The following PRDM14 variants were observed in gnomAD, a reference collection of about 807,000 sequenced individuals.
PRDM14 encodes the protein PR domain zinc finger protein 14.
A neutral mutation model predicts 48.0 loss-of-function variants in PRDM14; 16 were observed. The ratio of observed to expected loss-of-function variants is 0.33; its 90% CI spans 0.23 to 0.51. PRDM14 has a LOEUF of 0.51. PRDM14 is among the 20% of genes least tolerant of loss of function. PRDM14 has a pLI of 0.97. For missense variants in PRDM14, 566 were observed against 719.6 expected (o/e 0.79, Z 2.44); for synonymous variants, 264 against 276.6 (o/e 0.95, Z 0.45).
At chr8:70,057,331 T>G (rs1805492672) in intron 6 of PRDM14, among the ~76,000 whole-genome samples, 1 of 134,112 alleles carries the variant, frequency 7.5e-6, no homozygotes, top group African/African-American at 3.0e-5. Context: ...TAAGACAATA[T>G]TTTTTTTTTT....
At chr8:70,054,517 T>C (rs1805439914) in intron 7 of PRDM14, among the ~76,000 whole-genome samples, 1 of 17,490 alleles carries the variant, frequency 5.7e-5, no homozygotes, top group Non-Finnish European at 1.1e-4. Context: ...AAATAGTGAT[T>C]TTTTTTTTTT....
chr8:70,070,303 C>T (rs1805744877), intron 1 of PRDM14, among the ~76,000 whole-genome samples: 1 of 152,180 alleles, frequency 6.6e-6, no homozygotes, highest in African/African-American at 2.4e-5. Flanking sequence ...CTGTGGGAGC[C>T]GCGGGGCCCT....
At chr8:70,070,617 G>C (rs1197108334) in intron 1 of PRDM14, among the ~76,000 whole-genome samples, 1 of 152,282 alleles carries the variant, frequency 6.6e-6, no homozygotes, top group East Asian at 1.9e-4. Context: ...CGCGGGCAGC[G>C]TCCGCCACAT....
intron 6 of PRDM14, 130 bp downstream of exon 6, chr8:70,058,510 T>G: frequency 1.4e-6 from 1 of 734,944 alleles, no homozygotes; most frequent in Non-Finnish European, 2.3e-6. Flanking sequence ...TATCCTCTCC[T>G]CCTTCAGAGA....
At chr8:70,054,739 G>A (rs922968410) in intron 7 of PRDM14, among the ~76,000 whole-genome samples, 5 of 151,486 alleles carry the variant, frequency 3.3e-5, no homozygotes, top group Non-Finnish European at 5.9e-5. Flanking sequence ...GGATGGTCTC[G>A]AACTCCCTAT....
Position 70,051,879 on chromosome 8 carries a change from C to T in PRDM14, c.*198G>A. On this transcript the variant is annotated 3_prime_UTR_variant, in exon 8 of 8. Coordinates refer to ENST00000276594, the MANE Select transcript of PRDM14 (RefSeq NM_024504.4). The stretch of plus-strand genomic sequence containing the variant: ...CTCCGTCTCCTGTGCTCAAACCATC[C>T]TGCCACCTCGACCTCCTGAGTGGCT... The T allele has an allele frequency of 1.9e-6, 1 of 519,758 alleles. No individual in the cohort carries two copies. Among genetic ancestry groups the T allele is most frequent in the South Asian group, 2.8e-5 (1 of 36,112 alleles). 32.2% of individuals were successfully genotyped at this position (519,758 alleles called of 1,614,324 possible).
At chr8:70,069,967 C>A (rs1439349173) in intron 1 of PRDM14, 83 bp from the exon 2 acceptor site, 2 of 717,244 alleles carry the variant, frequency 2.8e-6, no homozygotes, top group East Asian at 2.7e-5. Context: ...GCCTCCTCCA[C>A]CCCAGCCAGC....
At chr8:70,063,647 T>C (rs569513933) in intron 5 of PRDM14, among the ~76,000 whole-genome samples, 4 of 151,754 alleles carry the variant, frequency 2.6e-5, no homozygotes, top group Admixed American at 2.6e-4. Context: ...CTCAGCCTCC[T>C]GAGTAGCTGG....
chr8:70,058,877 T>C (rs766270981), intron 5 of PRDM14, 35 bp from the exon 6 acceptor site: 1 of 1,511,724 alleles, frequency 6.6e-7, no homozygotes, highest in Non-Finnish European at 9.2e-7. Context: ...TCTCTTCAGT[T>C]ACTTCCCTCC....
chr8:70,066,829 G>A (rs1370029110), intron 4 of PRDM14, among the ~76,000 whole-genome samples: 1 of 151,982 alleles, frequency 6.6e-6, no homozygotes, highest in African/African-American at 2.4e-5. Flanking sequence ...GGGCTCAAAT[G>A]ATCCTCCCAC....
intron 1 of PRDM14, 31 bp from the exon 2 acceptor site, chr8:70,069,915 C>A: frequency 2.2e-6 from 3 of 1,374,704 alleles, no homozygotes; most frequent in South Asian, 2.9e-5. Context: ...CTGAGGACAC[C>A]GCGCGGGAGC....
chr8:70,064,798 A>G (rs1017418557), intron 5 of PRDM14, among the ~76,000 whole-genome samples: 10 of 151,182 alleles, frequency 6.6e-5, no homozygotes, highest in African/African-American at 2.4e-4. Flanking sequence ...TGCTGGGATT[A>G]CAGGCGTGGG....
chr8:70,052,598 T>A (rs893921001), intron 7 of PRDM14, among the ~76,000 whole-genome samples: 2 of 151,808 alleles, frequency 1.3e-5, no homozygotes, highest in African/African-American at 4.8e-5. Context: ...GGCGCAGTGG[T>A]TCACACCTGT....
intron 2 of PRDM14, 126 bp downstream of exon 2, chr8:70,069,035 G>T: frequency 1.4e-6 from 1 of 720,180 alleles, no homozygotes; most frequent in Non-Finnish European, 2.2e-6. Flanking sequence ...GGCTCTCATG[G>T]AGGTACTTCC....
At chr8:70,070,365 G>A in intron 1 of PRDM14, among the ~76,000 whole-genome samples, 1 of 152,156 alleles carries the variant, frequency 6.6e-6, no homozygotes, top group East Asian at 1.9e-4. Flanking sequence ...GGAGGGCAAT[G>A]GAGCAAGCGA....
intron 5 of PRDM14, among the ~76,000 whole-genome samples, chr8:70,062,159 T>A (rs963578520): frequency 1.3e-5 from 2 of 152,236 alleles, no homozygotes; most frequent in Non-Finnish European, 2.9e-5. Context: ...ATATATGTCC[T>A]CATAATAATG....
rs1483750801 is a variant in PRDM14 at position 70,064,555 on chromosome 8, C to T, written c.1183+1680G>A. Among the ~76,000 whole-genome samples the T allele has an allele frequency of 6.8e-5, 10 of 146,960 alleles. No individual in the cohort carries two copies. The East Asian group carries it at 1.2e-3, about 17-fold the overall frequency. The stretch of plus-strand genomic sequence containing the variant: ...TTTTTTTTTTTTTGAAACGGAATCT[C>T]GCTCTGTCGCCCAGGCTGGTGTGCA... On this transcript the variant is annotated intron_variant, in intron 5 of 7. Transcript: ENST00000276594.
At position 70,058,605 on chromosome 8, in the gene PRDM14, C is replaced by T. The variant is rs770205869; in HGVS notation, c.1386+35G>A. On this transcript the variant is annotated intron_variant, in intron 6 of 7. Transcript: ENST00000276594. ...CAGGAGCTTGGGAAGGGAGAGAGAACGTGATGGTGGGTCATGTGTCCTCCT... is the reference window on the plus strand; with the variant it reads ...CAGGAGCTTGGGAAGGGAGAGAGAATGTGATGGTGGGTCATGTGTCCTCCT... 9.5e-6 allele frequency: 15 copies of T among 1,584,258 alleles called. No homozygotes were observed. In the African/African-American group the frequency reaches 1.5e-4, roughly 16 times the overall value.
At chr8:70,054,381 T>C (rs1444702322) in intron 7 of PRDM14, among the ~76,000 whole-genome samples, 4 of 152,208 alleles carry the variant, frequency 2.6e-5, no homozygotes, top group Non-Finnish European at 5.9e-5. Flanking sequence ...TGGTAAAGAC[T>C]ATTCTCCCCA....
Sources: gnomAD v4.1 joint callset for allele counts (sites outside exome capture counted in the v4.1 genomes callset) on GRCh38, gnomAD v4.1.1 for gene constraint, MANE v1.5 for transcripts, NCBI Gene and HGNC (gene_info 2026-07-23, HGNC 2026-07-21) for gene names.